Variants in PKP4 observed in about 807,000 individuals in gnomAD.
PKP4 encodes plakophilin-4.
PKP4 carries 90 observed loss-of-function variants against 145.1 expected under a neutral mutation model. The ratio of observed to expected loss-of-function variants is 0.62; its 90% CI spans 0.52 to 0.74. The LOEUF (loss-of-function observed/expected upper bound fraction) is 0.74, where lower values mean the gene tolerates loss of function less well. Among genes scored for constraint, PKP4 ranks in the 30% least tolerant of loss-of-function variants. The pLI, the probability that PKP4 is intolerant of heterozygous loss-of-function variation, is 0.00. For missense variants in PKP4, 1,340 were observed against 1,482.7 expected, an observed-to-expected ratio of 0.90 and a Z score of 1.58; for synonymous variants, 563 against 577.2, an observed-to-expected ratio of 0.98 and a Z score of 0.35.
At chr2:158,618,125 G>T (rs977874324) in intron 4 of PKP4, among the ~76,000 whole-genome samples, 2 of 152,218 alleles carry the variant, frequency 1.3e-5, no homozygotes, top group Non-Finnish European at 2.9e-5. Context: ...AGAGATTGCA[G>T]TGAGCCAAGA....
intron 11 of PKP4, among the ~76,000 whole-genome samples, chr2:158,643,444 C>T (rs1280716807): frequency 1.3e-5 from 2 of 152,096 alleles, no homozygotes; most frequent in African/African-American, 4.8e-5. Flanking sequence ...AGTGTGGTAG[C>T]TCACACCTGT....
rs1430222141 is a variant in PKP4 at position 158,577,248 on chromosome 2, C to T, written c.133-23C>T. ...GCAGCATACCTTGGCGCCTTATATG[C>T]CTTTTATTTTCTTGAATCACAGGAG... is the stretch of plus-strand genomic sequence containing the variant. On this transcript the variant is annotated intron_variant, in intron 2 of 21. Coordinates refer to ENST00000389759, the MANE Select transcript of PKP4 (RefSeq NM_003628.6). The T allele has an allele frequency of 2.0e-6, 3 of 1,520,884 alleles. No individual in the cohort carries two copies. The South Asian group carries it at 3.4e-5, about 17-fold the overall frequency. 94.2% of individuals were successfully genotyped at this position (1,520,884 alleles called of 1,614,324 possible). A position where few individuals can be genotyped will look rare whatever the true frequency, so the allele number is the denominator to read the frequency against.
At chr2:158,645,217 C>T (rs1281717407) in intron 11 of PKP4, among the ~76,000 whole-genome samples, 1 of 152,114 alleles carries the variant, frequency 6.6e-6, no homozygotes, top group Non-Finnish European at 1.5e-5. Context: ...ATTAGTACTC[C>T]CACTTTCTAA....
At chr2:158,656,943 C>T (rs530457455) in intron 11 of PKP4, among the ~76,000 whole-genome samples, 9 of 152,172 alleles carry the variant, frequency 5.9e-5, no homozygotes, top group Non-Finnish European at 1.2e-4. Context: ...AGCAGCAGTG[C>T]TCAGTCTTGT....
At chr2:158,506,883 G>C (rs959901802) in intron 1 of PKP4, among the ~76,000 whole-genome samples, 1 of 152,156 alleles carries the variant, frequency 6.6e-6, no homozygotes, top group African/African-American at 2.4e-5. Flanking sequence ...CTTTTAGGAT[G>C]GATGGGTCTA....
At chr2:158,665,481 C>T (rs935724669) in intron 15 of PKP4, among the ~76,000 whole-genome samples, 3 of 152,142 alleles carry the variant, frequency 2.0e-5, no homozygotes, top group Admixed American at 6.5e-5. Context: ...TTTTAATGTT[C>T]GAAATAATAC....
chr2:158,630,982 G>A (rs2053299098), intron 7 of PKP4, among the ~76,000 whole-genome samples: 1 of 150,434 alleles, frequency 6.6e-6, no homozygotes, highest in East Asian at 1.9e-4. Flanking sequence ...CTGTTGCCCA[G>A]GTTGGAGTGC....
At chr2:158,649,877 C>T (rs971850470) in intron 11 of PKP4, among the ~76,000 whole-genome samples, 7 of 152,204 alleles carry the variant, frequency 4.6e-5, no homozygotes, top group Non-Finnish European at 1.0e-4. Flanking sequence ...GAGTATGATG[C>T]TCTATAGCTT....
rs1242460704 is a variant in PKP4, at chr2:158,676,798, G to T, written c.3187G>T (p.Asp1063Tyr). The change falls in exon 20 of 22, where the codon GAT (aspartate) becomes TAT (tyrosine). Residue 1063 changes from aspartate to tyrosine, a missense_variant. Asp to Tyr is a radical substitution (Grantham distance 160). Transcript: ENST00000389759. ...AATCAGAGACCCTCGCTCTGAATAC[G>T]ATAGGACCCAGCCACCTATGCAGTA... is the stretch of plus-strand genomic sequence containing the variant. ...LGIRDPRSEYDRTQPPMQYYN... is the reference protein window; with the variant it reads ...LGIRDPRSEYYRTQPPMQYYN... The T allele has an allele frequency of 6.2e-7, 1 of 1,614,026 alleles. No individual in the cohort carries two copies. The highest frequency in any genetic ancestry group is 1.1e-5 in the South Asian group (1 of 91,074).
intron 11 of PKP4, among the ~76,000 whole-genome samples, chr2:158,653,259 T>A (rs1436974664): frequency 1.3e-5 from 2 of 152,182 alleles, no homozygotes; most frequent in Admixed American, 1.3e-4. Flanking sequence ...TTTTTTAATA[T>A]CCTTTAAGAA....
At chr2:158,467,847 CAAAAATAA>C (rs971414289) in intron 1 of PKP4, among the ~76,000 whole-genome samples, 1 of 151,314 alleles carries the variant, frequency 6.6e-6, no homozygotes, top group African/African-American at 2.4e-5. Context: ...ACTCTATCTC[CAAAAATAA>C]AAAAATAAAA....
chr2:158,643,947 G>A (rs2054579513), intron 11 of PKP4, among the ~76,000 whole-genome samples: 1 of 152,056 alleles, frequency 6.6e-6, no homozygotes, highest in South Asian at 2.1e-4. Flanking sequence ...TGTATTTTTA[G>A]TAGAGATGGA....
intron 2 of PKP4, among the ~76,000 whole-genome samples, chr2:158,549,665 T>A (rs1407276706): frequency 2.0e-5 from 3 of 152,124 alleles, no homozygotes; most frequent in African/African-American, 7.2e-5. Flanking sequence ...AGGTAAAGAT[T>A]GATTCAACTG....
chr2:158,466,635 G>T (rs1690665580), intron 1 of PKP4, among the ~76,000 whole-genome samples: 1 of 152,158 alleles, frequency 6.6e-6, no homozygotes. Context: ...AACCCGTGAG[G>T]CAGAGGTTGC....
intron 7 of PKP4, among the ~76,000 whole-genome samples, chr2:158,630,153 T>C (rs558572706): frequency 5.9e-4 from 90 of 152,380 alleles, no homozygotes; most frequent in South Asian, 3.7e-3. Context: ...ATACCCTTAA[T>C]TGATATTTTT....
intron 17 of PKP4, among the ~76,000 whole-genome samples, chr2:158,671,480 A>G (rs1278133999): frequency 6.6e-6 from 1 of 152,216 alleles, no homozygotes; most frequent in African/African-American, 2.4e-5. Flanking sequence ...GAAGAGGCTG[A>G]GATGCTGAGC....
chr2:158,528,891 A>T (rs2043239371), intron 1 of PKP4, among the ~76,000 whole-genome samples: 1 of 152,194 alleles, frequency 6.6e-6, no homozygotes, highest in Non-Finnish European at 1.5e-5. Flanking sequence ...CAGGTGGCTG[A>T]TACAGAGACA....
At chr2:158,530,130 A>G (rs2043384973) in intron 1 of PKP4, among the ~76,000 whole-genome samples, 1 of 152,176 alleles carries the variant, frequency 6.6e-6, no homozygotes, top group Non-Finnish European at 1.5e-5. Context: ...CTGCATTTCC[A>G]TGGTTACGCT....
At position 158,620,628 on chromosome 2, in the gene PKP4, A is replaced by G. The variant is rs1366376832; in HGVS notation, c.281-362A>G. Reference sequence around the variant, plus strand: ...AAGTTTTCATTTTTAATTGTTTGGAAGATGGAGGACCCTTCTTGAAATACT... The same window carrying G: ...AAGTTTTCATTTTTAATTGTTTGGAGGATGGAGGACCCTTCTTGAAATACT... On this transcript the variant is annotated intron_variant, in intron 4 of 21. Coordinates refer to ENST00000389759, the MANE Select transcript of PKP4 (RefSeq NM_003628.6). 2.0e-5 allele frequency among the ~76,000 whole-genome samples: 3 copies of G among 152,224 alleles called. 1 individual carries two copies. Among genetic ancestry groups the G allele is most frequent in the Admixed American group, 2.0e-4 (3 of 15,280 alleles).
Sources: gnomAD v4.1 joint callset for allele counts (sites outside exome capture counted in the v4.1 genomes callset) on GRCh38, gnomAD v4.1.1 for gene constraint, MANE v1.5 for transcripts, NCBI Gene and HGNC (gene_info 2026-07-23, HGNC 2026-07-21) for gene names.